The following NLGN4X variants were observed in gnomAD, a reference collection of about 807,000 sequenced individuals.
NLGN4X encodes the protein neuroligin 4 X-linked.
Under a neutral mutation model 40.3 loss-of-function variants are expected in NLGN4X, and 3 were observed. The ratio of observed to expected loss-of-function variants is 0.07; its 90% CI spans 0.03 to 0.19. The LOEUF (loss-of-function observed/expected upper bound fraction) is 0.19, where lower values mean the gene tolerates loss of function less well. Ranked by LOEUF, NLGN4X falls within the 10% of genes least tolerant of loss-of-function variation. NLGN4X has a pLI of 1.00. For missense variants in NLGN4X, 382 were observed against 708.3 expected (o/e 0.54, Z 5.23); for synonymous variants, 270 against 306.8 (o/e 0.88, Z 1.25).
At chrX:6,073,717 T>C (rs1306763465) in intron 2 of NLGN4X, among the ~76,000 whole-genome samples, 2 of 110,700 alleles carry the variant, frequency 1.8e-5, no homozygotes, top group Non-Finnish European at 3.8e-5. Flanking sequence ...AAGAGCAAAA[T>C]GAGGGCACAG....
chrX:6,152,667 C>A (rs778843609), intron 1 of NLGN4X, among the ~76,000 whole-genome samples: 1 of 112,389 alleles, frequency 8.9e-6, no homozygotes, highest in Admixed American at 9.4e-5. Context: ...TTAGGCTACA[C>A]ACTTCACTGC....
intron 3 of NLGN4X, among the ~76,000 whole-genome samples, chrX:6,012,367 G>T (rs192134003): frequency 8.9e-6 from 1 of 112,054 alleles, no homozygotes; most frequent in African/African-American, 3.2e-5. Flanking sequence ...AAGCAAAGAG[G>T]ATGCAAGAAG....
intron 3 of NLGN4X, among the ~76,000 whole-genome samples, chrX:5,944,650 CAAAAAAAAAAAAAA>C: frequency 3.9e-5 from 1 of 25,563 alleles, no homozygotes; most frequent in East Asian, 1.4e-3. Context: ...GACTCTGTCT[CAAAAAAAAAAAAAA>C]AAAAAAAAAG....
At chrX:6,226,457 T>A (rs753880424) in intron 1 of NLGN4X, among the ~76,000 whole-genome samples, 1 of 110,913 alleles carries the variant, frequency 9.0e-6, no homozygotes, top group Non-Finnish European at 1.9e-5. Flanking sequence ...AGGGTTGGCC[T>A]GACCCCCCTG....
At chrX:6,102,337 A>T (rs140435571) in intron 2 of NLGN4X, among the ~76,000 whole-genome samples, 262 of 111,232 alleles carry the variant, frequency 2.4e-3, no homozygotes, top group African/African-American at 7.7e-3. Flanking sequence ...CCAACGGGAC[A>T]GTATTAGGAG....
At chrX:6,027,331 A>G (rs2036727020) in intron 3 of NLGN4X, among the ~76,000 whole-genome samples, 1 of 112,606 alleles carries the variant, frequency 8.9e-6, no homozygotes, top group Non-Finnish European at 1.9e-5. Flanking sequence ...ACTGCTATGC[A>G]AAAGTTCAGA....
chrX:5,919,798 C>T (rs971088442), intron 3 of NLGN4X, among the ~76,000 whole-genome samples: 2 of 111,684 alleles, frequency 1.8e-5, no homozygotes, highest in African/African-American at 6.5e-5. Flanking sequence ...GAAATCAGTC[C>T]CTGGTGCCAA....
intron 3 of NLGN4X, among the ~76,000 whole-genome samples, chrX:5,913,952 G>GT (rs1304849215): frequency 8.9e-6 from 1 of 112,021 alleles, no homozygotes; most frequent in Non-Finnish European, 1.9e-5. Context: ...CTGCCACCAT[G>GT]TAAGATGTGA....
At chrX:6,123,967 A>G (rs190224527) in intron 2 of NLGN4X, among the ~76,000 whole-genome samples, 1 of 111,279 alleles carries the variant, frequency 9.0e-6, no homozygotes, top group East Asian at 2.8e-4. Context: ...ATATTGATTA[A>G]AATACTTTTA....
At chrX:5,935,800 T>C (rs1318222193) in intron 3 of NLGN4X, among the ~76,000 whole-genome samples, 2 of 111,795 alleles carry the variant, frequency 1.8e-5, no homozygotes, top group African/African-American at 6.5e-5. Flanking sequence ...ATCAAAAACA[T>C]ACTATTCAAT....
In NLGN4X at chrX:6,150,899, G is replaced by A. The variant is rs1316141043; in HGVS notation, c.472+96C>T. ...ATTAAAATAAAATAAACGGGTTATA[G>A]AAGAGATCATGCATGAGACATTATA... is the stretch of plus-strand genomic sequence containing the variant. On this transcript the variant is annotated intron_variant, in intron 2 of 5. Transcript: ENST00000381095. 3 of 709,938 alleles carry A rather than the reference G, an allele frequency of 4.2e-6. No individual in the cohort carries two copies. The East Asian group carries it at 9.7e-5, about 23-fold the overall frequency. The allele number at this position is 709,938 out of a possible 1,213,427, so 58.5% of individuals were successfully genotyped here.
intron 2 of NLGN4X, among the ~76,000 whole-genome samples, chrX:6,138,016 T>C (rs2039858882): frequency 9.0e-6 from 1 of 111,616 alleles, no homozygotes; most frequent in Admixed American, 9.6e-5. Flanking sequence ...GCTTGGCTGG[T>C]GATTGTTGTG....
chrX:6,196,420 C>T lies in NLGN4X; in HGVS notation c.-306+32121G>A, dbSNP rs771387097. ...CAAAACAATTAGCCGGGCGTGGTGG[C>T]GGGCGCCTGTAGTCTCAGCTACTCA... On this transcript the variant is annotated intron_variant, in intron 1 of 5. Transcript: ENST00000381095. Among the ~76,000 whole-genome samples the T allele has an allele frequency of 6.5e-3, 703 of 108,333 alleles. 7 individuals are homozygous for T. The highest frequency in any genetic ancestry group is 0.053 in the Middle Eastern group (11 of 209). 94.1% of individuals were successfully genotyped at this position (108,333 alleles called of 115,157 possible).
chrX:6,190,462 A>G (rs1254446790), intron 1 of NLGN4X, among the ~76,000 whole-genome samples: 1 of 112,388 alleles, frequency 8.9e-6, no homozygotes, highest in Non-Finnish European at 1.9e-5. Flanking sequence ...TAAAGACTTC[A>G]GATTTGCAGC....
intron 1 of NLGN4X, among the ~76,000 whole-genome samples, chrX:6,220,930 A>C (rs1234230072): frequency 9.2e-6 from 1 of 108,134 alleles, no homozygotes; most frequent in Admixed American, 9.8e-5. Flanking sequence ...TAGAGACAGG[A>C]TTTCGCCATG....
chrX:6,111,749 GATA>G (rs1222051075), intron 2 of NLGN4X, among the ~76,000 whole-genome samples: 1 of 110,768 alleles, frequency 9.0e-6, no homozygotes, highest in Non-Finnish European at 1.9e-5. Flanking sequence ...CTGTCTTAAT[GATA>G]ATAATAACAA....
At chrX:6,134,438 C>T in intron 2 of NLGN4X, among the ~76,000 whole-genome samples, 1 of 111,345 alleles carries the variant, frequency 9.0e-6, no homozygotes, top group Non-Finnish European at 1.9e-5. Flanking sequence ...GGGACACATG[C>T]TTCTCCCAGA....
intron 3 of NLGN4X, among the ~76,000 whole-genome samples, chrX:5,958,700 T>G (rs1004220284): frequency 8.9e-6 from 1 of 112,002 alleles, no homozygotes. Context: ...TGCACATCAT[T>G]CTCTTCTTCT....
At chrX:5,956,037 A>T (rs1427808424) in intron 3 of NLGN4X, among the ~76,000 whole-genome samples, 1 of 109,642 alleles carries the variant, frequency 9.1e-6, no homozygotes, top group Non-Finnish European at 1.9e-5. Context: ...GTCAATATGC[A>T]CCCTTTCCTG....
Sources: allele counts gnomAD v4.1 joint callset (sites outside exome capture counted in the v4.1 genomes callset), GRCh38; gene constraint gnomAD v4.1.1; transcripts MANE v1.5; gene names NCBI Gene and HGNC (gene_info 2026-07-23, HGNC 2026-07-21).